The following CALN1 variants were observed in gnomAD, a reference collection of about 807,000 sequenced individuals.
CALN1 encodes calcium-binding protein 8.
In CALN1, 17 loss-of-function variants were observed where a neutral mutation model predicts 30.6. That is an observed-to-expected ratio of 0.56 (90% CI 0.38 to 0.83). The LOEUF is 0.83. Among genes scored for constraint, CALN1 ranks in the 40% least tolerant of loss-of-function variants. The probability of loss-of-function intolerance (pLI) is 0.00; values close to 1 mark genes in which losing one functional copy is unlikely to be tolerated. For synonymous variants in CALN1, 156 were observed against 131.4 expected (o/e 1.19, Z -1.28); for missense variants, 291 against 354.9 (o/e 0.82, Z 1.45).
intron 3 of CALN1, among the ~76,000 whole-genome samples, chr7:72,177,626 G>A (rs1291082183): frequency 6.6e-6 from 1 of 151,860 alleles, no homozygotes; most frequent in Non-Finnish European, 1.5e-5. Context: ...TTAGCTGGGC[G>A]TGGTGGTGCA....
chr7:72,437,456 A>C (rs1174781293), intron 1 of CALN1, among the ~76,000 whole-genome samples: 2 of 152,122 alleles, frequency 1.3e-5, no homozygotes, highest in Non-Finnish European at 2.9e-5. Context: ...AAAACAAAAG[A>C]GAACAATGGC....
chr7:72,401,549 T>C (rs1806345048), intron 2 of CALN1, among the ~76,000 whole-genome samples: 1 of 152,094 alleles, frequency 6.6e-6, no homozygotes, highest in Non-Finnish European at 1.5e-5. Flanking sequence ...AGCCCCAGGG[T>C]CTAAAGGGAG....
At chr7:72,051,933 T>G (rs984157570) in intron 4 of CALN1, among the ~76,000 whole-genome samples, 2 of 152,180 alleles carry the variant, frequency 1.3e-5, no homozygotes, top group African/African-American at 4.8e-5. Flanking sequence ...AGAAGCATAT[T>G]CTCCTACACC....
At chr7:71,978,665 T>C (rs1798231580) in intron 5 of CALN1, among the ~76,000 whole-genome samples, 2 of 152,132 alleles carry the variant, frequency 1.3e-5, no homozygotes, top group African/African-American at 4.8e-5. Flanking sequence ...TTGACAGGCT[T>C]TTGCCTGGTC....
At chr7:72,418,957 A>C (rs1356445009) in intron 1 of CALN1, among the ~76,000 whole-genome samples, 1 of 152,190 alleles carries the variant, frequency 6.6e-6, no homozygotes, top group African/African-American at 2.4e-5. Context: ...TTGAGGCTAC[A>C]GTGAACTATG....
chr7:72,237,678 T>C (rs1334729158), intron 3 of CALN1, among the ~76,000 whole-genome samples: 2 of 152,196 alleles, frequency 1.3e-5, no homozygotes, highest in Non-Finnish European at 2.9e-5. Context: ...CCATCAGCCC[T>C]TACTGAGTCC....
At chr7:71,862,087 C>T (rs567563899) in intron 5 of CALN1, among the ~76,000 whole-genome samples, 14 of 152,322 alleles carry the variant, frequency 9.2e-5, no homozygotes, top group East Asian at 1.9e-4. Flanking sequence ...GACCCTTTTG[C>T]GCTGGACAGA....
At chr7:71,942,063 G>A (rs1424575869) in intron 5 of CALN1, among the ~76,000 whole-genome samples, 2 of 152,118 alleles carry the variant, frequency 1.3e-5, no homozygotes, top group Admixed American at 1.3e-4. Context: ...GCCGGGCGTG[G>A]TGGTGCACAC....
intron 5 of CALN1, among the ~76,000 whole-genome samples, chr7:71,960,127 C>A (rs956485872): frequency 2.3e-5 from 3 of 132,888 alleles, no homozygotes; most frequent in Non-Finnish European, 3.1e-5. Context: ...AGAGAGACTC[C>A]ATCTCAAAAA....
the CALN1 span, among the ~76,000 whole-genome samples, chr7:72,470,362 A>G: frequency 6.6e-6 from 1 of 152,268 alleles, no homozygotes; most frequent in African/African-American, 2.4e-5. Flanking sequence ...TGGGCAAGAT[A>G]GCAAGACCCC....
intron 2 of CALN1, among the ~76,000 whole-genome samples, chr7:72,400,421 G>C (rs769437911): frequency 8.5e-5 from 13 of 152,184 alleles, no homozygotes; most frequent in Non-Finnish European, 1.8e-4. Context: ...AGCTTTCTCA[G>C]ATTTTCCACA....
intron 5 of CALN1, among the ~76,000 whole-genome samples, chr7:71,889,784 G>A (rs546082940): frequency 1.6e-4 from 25 of 152,228 alleles, no homozygotes; most frequent in Admixed American, 1.5e-3. Context: ...GCGAAACCCT[G>A]TCTCTACTAA....
At chr7:72,386,556 G>A (rs779695069) in intron 2 of CALN1, among the ~76,000 whole-genome samples, 4 of 152,184 alleles carry the variant, frequency 2.6e-5, no homozygotes, top group Non-Finnish European at 5.9e-5. Context: ...TGAAGTGGGG[G>A]TTTCCAGTAA....
intron 2 of CALN1, among the ~76,000 whole-genome samples, chr7:72,336,232 C>T (rs760541171): frequency 1.3e-4 from 20 of 152,138 alleles, no homozygotes; most frequent in Non-Finnish European, 7.4e-5. Flanking sequence ...ATGACTCCGG[C>T]TTCGCGAAGA....
chr7:71,976,075 TGA>T (rs1798088544), intron 5 of CALN1, among the ~76,000 whole-genome samples: 3 of 151,962 alleles, frequency 2.0e-5, no homozygotes, highest in Admixed American at 2.0e-4. Context: ...CACACCAGAC[TGA>T]GAGGATTCTC....
At chr7:72,376,726 T>A (rs1236206095) in intron 2 of CALN1, among the ~76,000 whole-genome samples, 2 of 152,244 alleles carry the variant, frequency 1.3e-5, no homozygotes, top group Admixed American at 6.5e-5. Context: ...ATCCAATTTA[T>A]CTATTTCTTA....
chr7:71,808,881 A>G (rs1017157293), intron 6 of CALN1, among the ~76,000 whole-genome samples: 2 of 152,078 alleles, frequency 1.3e-5, no homozygotes, highest in African/African-American at 2.4e-5. Flanking sequence ...TGTTTTCTCA[A>G]GTTTCAGTTC....
chr7:71,942,178 A>C (rs1796167904), intron 5 of CALN1: 1 of 160,432 alleles, frequency 6.2e-6, no homozygotes, highest in South Asian at 1.4e-4. Context: ...AGCCTGGGAG[A>C]CAGAGCAAGT....
intron 2 of CALN1, among the ~76,000 whole-genome samples, chr7:72,297,020 G>C (rs1048257942): frequency 1.3e-5 from 2 of 152,044 alleles, no homozygotes; most frequent in Middle Eastern, 3.4e-3. Flanking sequence ...TGTGATGTTA[G>C]GGTGTCAATT....
Sources: gnomAD v4.1 joint callset for allele counts (sites outside exome capture counted in the v4.1 genomes callset) on GRCh38, gnomAD v4.1.1 for gene constraint, MANE v1.5 for transcripts, NCBI Gene and HGNC (gene_info 2026-07-23, HGNC 2026-07-21) for gene names.